The following GAB1 variants were observed in gnomAD, a reference collection of about 807,000 sequenced individuals.
The protein encoded by GAB1 is GRB2 associated binding protein 1, also known as GRB2-associated-binding protein 1.
In GAB1, 19 loss-of-function variants were observed where a neutral mutation model predicts 66.5. The ratio of observed to expected loss-of-function variants is 0.29; its 90% CI spans 0.20 to 0.42. The LOEUF (loss-of-function observed/expected upper bound fraction) is 0.42, where lower values mean the gene tolerates loss of function less well. Ranked by LOEUF, GAB1 falls within the 10% of genes least tolerant of loss-of-function variation. The pLI, the probability that GAB1 is intolerant of heterozygous loss-of-function variation, is 1.00. For missense variants in GAB1, 732 were observed against 858.5 expected, an observed-to-expected ratio of 0.85 and a Z score of 1.84; for synonymous variants, 294 against 301.4, an observed-to-expected ratio of 0.98 and a Z score of 0.25.
At chr4:143,342,625 A>T (rs895392371) in intron 1 of GAB1, among the ~76,000 whole-genome samples, 1 of 126,078 alleles carries the variant, frequency 7.9e-6, no homozygotes, top group South Asian at 2.4e-4. Context: ...ATCTTGGCTC[A>T]TGGCTCACTG....
chr4:143,387,730 G>A (rs149793129), intron 1 of GAB1, among the ~76,000 whole-genome samples: 15 of 152,230 alleles, frequency 9.9e-5, no homozygotes, highest in Non-Finnish European at 1.5e-4. Context: ...CCTCCTCTAA[G>A]TGTGGCTCTT....
In GAB1 at chr4:143,447,161, T is replaced by G. The variant is rs1041590103; in HGVS notation, c.1585+6779T>G. Among the ~76,000 whole-genome samples, 39 of 152,150 alleles carry G rather than the reference T, an allele frequency of 2.6e-4. 1 individual carries two copies. The highest frequency in any genetic ancestry group is 1.8e-3 in the Admixed American group (27 of 15,286). On this transcript the variant is annotated intron_variant, in intron 6 of 9. Coordinates refer to ENST00000262994, the MANE Select transcript of GAB1 (RefSeq NM_002039.4). Reference sequence around the variant, plus strand: ...TCTGTTCCATTGATCTATATCTCTGTTTTGGTACCAGTACCATGCTGTTTT... The same window carrying G: ...TCTGTTCCATTGATCTATATCTCTGGTTTGGTACCAGTACCATGCTGTTTT...
chr4:143,466,606 C>T (rs1735805380), intron 9 of GAB1, among the ~76,000 whole-genome samples: 1 of 149,500 alleles, frequency 6.7e-6, no homozygotes, highest in African/African-American at 2.5e-5. Context: ...TCTCCTGCCT[C>T]AGCCTCCCAA....
chr4:143,337,242 G>A lies in GAB1; in HGVS notation c.54G>A (p.Glu18=), dbSNP rs1354925496. The change falls in exon 1 of 10, where the codon GAG becomes GAA. Residue 18 remains glutamate (E), a synonymous_variant. Transcript: ENST00000262994. ...GATGGCTCCGCAAGTCCCCCCCGGA[G>A]AAAAAGTTGAAGCGTTATGTAAGTA... ...CSGWLRKSPP[E]KKLKRYAWKR... 6.3e-7 allele frequency: 1 copy of A among 1,581,980 alleles called. No individual in the cohort carries two copies. The highest frequency in any genetic ancestry group is 8.6e-7 in the Non-Finnish European group (1 of 1,163,564).
At chr4:143,436,204 A>T (rs1010452955) in intron 3 of GAB1, among the ~76,000 whole-genome samples, 1 of 152,228 alleles carries the variant, frequency 6.6e-6, no homozygotes, top group African/African-American at 2.4e-5. Flanking sequence ...GAAGAAAATC[A>T]TTAGTAATTT....
chr4:143,406,881 G>A (rs974117795), intron 1 of GAB1, among the ~76,000 whole-genome samples: 16 of 152,214 alleles, frequency 1.1e-4, no homozygotes, highest in African/African-American at 3.4e-4. Flanking sequence ...GGGAATATGA[G>A]GACAGAAGTG....
At chr4:143,416,364 C>T (rs567283939) in intron 2 of GAB1, among the ~76,000 whole-genome samples, 1 of 152,172 alleles carries the variant, frequency 6.6e-6, no homozygotes, top group Admixed American at 6.5e-5. Context: ...GCCGAGATCG[C>T]GCCACTGCAC....
intron 1 of GAB1, among the ~76,000 whole-genome samples, chr4:143,403,279 C>T (rs907489454): frequency 6.6e-6 from 1 of 152,146 alleles, no homozygotes; most frequent in African/African-American, 2.4e-5. Flanking sequence ...TTCAACACTT[C>T]TCTCCTTGTC....
At chr4:143,436,760 G>T (rs1164264042) in intron 3 of GAB1, among the ~76,000 whole-genome samples, 2 of 152,122 alleles carry the variant, frequency 1.3e-5, no homozygotes, top group Non-Finnish European at 2.9e-5. Context: ...TCTATTTGAG[G>T]CCCACAAGCA....
chr4:143,362,597 T>C (rs1729709495), intron 1 of GAB1, among the ~76,000 whole-genome samples: 1 of 152,360 alleles, frequency 6.6e-6, no homozygotes, highest in African/African-American at 2.4e-5. Flanking sequence ...CTCCTGATGT[T>C]GCCATGGCAT....
At chr4:143,387,281 G>A (rs569386535) in intron 1 of GAB1, among the ~76,000 whole-genome samples, 44 of 152,198 alleles carry the variant, frequency 2.9e-4, no homozygotes, top group African/African-American at 9.6e-4. Context: ...ACAGGCATGC[G>A]CCACCACGCC....
At chr4:143,411,832 G>A (rs1293562164) in intron 1 of GAB1, among the ~76,000 whole-genome samples, 1 of 152,184 alleles carries the variant, frequency 6.6e-6, no homozygotes, top group Non-Finnish European at 1.5e-5. Flanking sequence ...ATTAAAGTGT[G>A]TAGTTTATGT....
chr4:143,405,647 C>T (rs574583464), intron 1 of GAB1, among the ~76,000 whole-genome samples: 3 of 152,274 alleles, frequency 2.0e-5, no homozygotes, highest in African/African-American at 7.2e-5. Context: ...CAAGTCCTTG[C>T]ATGCTGTACA....
chr4:143,384,431 C>T (rs1470158591), intron 1 of GAB1, among the ~76,000 whole-genome samples: 1 of 152,134 alleles, frequency 6.6e-6, no homozygotes, highest in Non-Finnish European at 1.5e-5. Flanking sequence ...GGTTCATCTA[C>T]CATGGTAAGT....
At chr4:143,378,115 C>G (rs767925548) in intron 1 of GAB1, among the ~76,000 whole-genome samples, 2 of 152,122 alleles carry the variant, frequency 1.3e-5, no homozygotes, top group African/African-American at 2.4e-5. Flanking sequence ...CAACCTACAG[C>G]AACTTTCAAT....
At position 143,433,646 on chromosome 4, in the gene GAB1, G is replaced by C; in HGVS notation, c.523G>C (p.Gly175Arg). The C allele has an allele frequency of 6.2e-7, 1 of 1,613,926 alleles. No individual in the cohort carries two copies. Among genetic ancestry groups the C allele is most frequent in the Non-Finnish European group, 8.5e-7 (1 of 1,179,904 alleles). ...INVPPHLETL[G>R]IQEDPQDYLL... ...TGTTCCACCACACCTGGAAACTCTT[G>C]GCATTCAGGAGGATCCTCAAGACTA... Residue 175 changes from glycine to arginine, a missense_variant, in exon 3 of 10, where the codon GGC (glycine) becomes CGC (arginine). Transcript: ENST00000262994.
chr4:143,377,272 A>G (rs1730461515), intron 1 of GAB1, among the ~76,000 whole-genome samples: 1 of 152,200 alleles, frequency 6.6e-6, no homozygotes, highest in Non-Finnish European at 1.5e-5. Flanking sequence ...TGTTCTGATC[A>G]CCTGTTTCTT....
At chr4:143,356,922 C>CT (rs1265186475) in intron 1 of GAB1, among the ~76,000 whole-genome samples, 2 of 152,078 alleles carry the variant, frequency 1.3e-5, no homozygotes, top group Non-Finnish European at 2.9e-5. Context: ...AAAGAACAAC[C>CT]TTTTTTGTGT....
At chr4:143,443,949 G>A (rs10032404) in intron 6 of GAB1, among the ~76,000 whole-genome samples, 2,472 of 152,228 alleles carry the variant, frequency 0.016, 71 homozygotes, top group African/African-American at 0.056. Flanking sequence ...TCATGATAGT[G>A]ATATTTTCAT....
Sources: gnomAD v4.1 joint callset for allele counts (sites outside exome capture counted in the v4.1 genomes callset) on GRCh38, gnomAD v4.1.1 for gene constraint, MANE v1.5 for transcripts, NCBI Gene and HGNC (gene_info 2026-07-23, HGNC 2026-07-21) for gene names.